RAB11B: variants seen among roughly 807,000 people sequenced by gnomAD.
RAB11B encodes the protein ras-related protein Rab-11B.
RAB11B carries 7 observed loss-of-function variants against 23.7 expected under a neutral mutation model. The observed-to-expected ratio is 0.29, with a 90% CI of 0.17 to 0.55. RAB11B has a LOEUF of 0.55. Among genes scored for constraint, RAB11B ranks in the 20% least tolerant of loss-of-function variants. RAB11B has a pLI of 0.93. For missense variants in RAB11B, 189 were observed against 320.0 expected, an observed-to-expected ratio of 0.59 and a Z score of 3.12; for synonymous variants, 138 against 132.0, an observed-to-expected ratio of 1.05 and a Z score of -0.31.
Position 8,403,398 on chromosome 19 carries a change from G to A in RAB11B, c.512-15G>A, listed in dbSNP as rs1217120675. ...GTGCTGGCTCACCCCACGTCCCCCT[G>A]TACCCCCTTTGCAGAGATCTACCGC... On this transcript the variant is annotated splice_polypyrimidine_tract_variant and intron_variant, in intron 4 of 4. Transcript: ENST00000328024. 6.2e-7 allele frequency: 1 copy of A among 1,605,672 alleles called. No homozygotes were observed. The highest frequency in any genetic ancestry group is 1.7e-5 in the Admixed American group (1 of 59,610).
intron 1 of RAB11B, among the ~76,000 whole-genome samples, chr19:8,391,753 G>T (rs532375999): frequency 6.1e-4 from 92 of 152,026 alleles, no homozygotes; most frequent in Non-Finnish European, 8.8e-5. Flanking sequence ...CTTGCACCAG[G>T]CCTAGCTGGG....
rs1185488253 is a variant in RAB11B, at chr19:8,404,074, C to T, written c.*516C>T. The stretch of plus-strand genomic sequence containing the variant: ...CACAGCAGCTCGCACAGGCCTCCCA[C>T]CTCTGCCTGTTGATTGATGCAGGGA... On this transcript the variant is annotated 3_prime_UTR_variant, in exon 5 of 5. Transcript: ENST00000328024. 2 of 153,616 alleles carry T rather than the reference C, an allele frequency of 1.3e-5. No homozygotes were observed. The highest frequency in any genetic ancestry group is 3.9e-4 in the East Asian group (2 of 5,180). 9.5% of individuals were successfully genotyped at this position (153,616 alleles called of 1,614,324 possible).
At chr19:8,393,261 G>A (rs2967614) in intron 1 of RAB11B, among the ~76,000 whole-genome samples, 90,565 of 152,000 alleles carry the variant, frequency 0.6, 27,424 homozygotes, top group Admixed American at 0.62. Flanking sequence ...TGATGGACTC[G>A]GTACTCCATG....
In RAB11B at chr19:8,403,734, G is replaced by A. The variant is rs1000392208; in HGVS notation, c.*176G>A. The A allele has an allele frequency of 3.3e-5, 30 of 907,068 alleles. No individual in the cohort carries two copies. The highest frequency in any genetic ancestry group is 2.7e-4 in the East Asian group (9 of 32,756). The allele number at this position is 907,068 out of a possible 1,614,324, so 56.2% of individuals were successfully genotyped here. A position where few individuals can be genotyped will look rare whatever the true frequency, so the allele number is the denominator to read the frequency against. ...GAGCCAGTGCTACCCCGTCCTGCCC[G>A]GGGAAAAGCTAGAAGCCCCGGTTTG... On this transcript the variant is annotated 3_prime_UTR_variant, in exon 5 of 5. Transcript: ENST00000328024.
intron 1 of RAB11B, among the ~76,000 whole-genome samples, chr19:8,398,430 G>A (rs1383623892): frequency 1.3e-5 from 2 of 152,186 alleles, no homozygotes; most frequent in Non-Finnish European, 1.5e-5. Context: ...GCCTTGTGAG[G>A]AGCTGTGCAC....
chr19:8,396,630 G>A lies in RAB11B; in HGVS notation c.41-3233G>A, dbSNP rs1244664224. ...GTTTCTGGCAGCAGGAGCAACCCGT[G>A]CAAAGGCCCTGAGGCAGGATCGCAC... On this transcript the variant is annotated intron_variant, in intron 1 of 4. Coordinates refer to ENST00000328024, the MANE Select transcript of RAB11B (RefSeq NM_004218.4). This position sits in a 1 kb window ranked among gnomAD's most constrained non-coding sequence, Gnocchi z 5.0. Among the ~76,000 whole-genome samples, 1 of 151,120 alleles carries A rather than the reference G, an allele frequency of 6.6e-6. No individual in the cohort carries two copies. The highest frequency in any genetic ancestry group is 1.5e-5 in the Non-Finnish European group (1 of 67,786).
rs12976739 is a variant in RAB11B at position 8,396,779 on chromosome 19, G to A, written c.41-3084G>A. Among the ~76,000 whole-genome samples the A allele has an allele frequency of 0.42, 61,185 of 146,442 alleles. 13,300 individuals are homozygous for A. Among genetic ancestry groups the A allele is most frequent in the African/African-American group, 0.47 (18,122 of 38,892 alleles). The stretch of plus-strand genomic sequence containing the variant: ...GGGAGGACTGTGGCTTTTCCCCTGC[G>A]GAAGGTGGGGGCCACGGAGGGTTGT... On this transcript the variant is annotated intron_variant, in intron 1 of 4. Transcript: ENST00000328024. This position sits in a 1 kb window ranked among gnomAD's most constrained non-coding sequence, Gnocchi z 5.0.
chr19:8,400,656 G>A lies in RAB11B; in HGVS notation c.236+598G>A, dbSNP rs375648854. 6.0e-5 allele frequency among the ~76,000 whole-genome samples: 9 copies of A among 149,774 alleles called. No homozygotes were observed. In the South Asian group the frequency reaches 1.1e-3, roughly 18 times the overall value. Reference sequence around the variant, plus strand: ...GGCTGGAGTGCGATGGCACGATCTCGGCTCACTGCAACCTCCGCCTCCTGG... The same window carrying A: ...GGCTGGAGTGCGATGGCACGATCTCAGCTCACTGCAACCTCCGCCTCCTGG... On this transcript the variant is annotated intron_variant, in intron 2 of 4. Transcript: ENST00000328024.
chr19:8,396,273 T>C lies in RAB11B; in HGVS notation c.41-3590T>C, dbSNP rs950938146. ...GGGTGGTGACCTGGCATCCTCTAGGTATGGGGCAGGCGGCATGCGTGGGAG... is the reference window on the plus strand; with the variant it reads ...GGGTGGTGACCTGGCATCCTCTAGGCATGGGGCAGGCGGCATGCGTGGGAG... On this transcript the variant is annotated intron_variant, in intron 1 of 4. Coordinates refer to ENST00000328024, the MANE Select transcript of RAB11B (RefSeq NM_004218.4). This position sits in a 1 kb window ranked among gnomAD's most constrained non-coding sequence, Gnocchi z 5.0. Among the ~76,000 whole-genome samples, 1 of 152,122 alleles carries C rather than the reference T, an allele frequency of 6.6e-6. No individual in the cohort carries two copies. The highest frequency in any genetic ancestry group is 1.5e-5 in the Non-Finnish European group (1 of 68,030).
rs1051318297 is a variant in RAB11B, at chr19:8,403,886, G to A, written c.*328G>A. 3 of 249,462 alleles carry A rather than the reference G, an allele frequency of 1.2e-5. No individual in the cohort carries two copies. Among genetic ancestry groups the A allele is most frequent in the Non-Finnish European group, 2.3e-5 (3 of 129,962 alleles). The allele number at this position is 249,462 out of a possible 1,614,324, so 15.5% of individuals were successfully genotyped here. On this transcript the variant is annotated 3_prime_UTR_variant, in exon 5 of 5. Coordinates refer to ENST00000328024, the MANE Select transcript of RAB11B (RefSeq NM_004218.4). Reference sequence around the variant, plus strand: ...CCGCCTTCTCCCCTTTTCCTTGGCCGACTCTAGGGAGCGATTGCCTCCCTC... The same window carrying A: ...CCGCCTTCTCCCCTTTTCCTTGGCCAACTCTAGGGAGCGATTGCCTCCCTC...
intron 1 of RAB11B, among the ~76,000 whole-genome samples, chr19:8,392,969 A>T (rs1445779467): frequency 1.4e-5 from 2 of 146,258 alleles, no homozygotes; most frequent in East Asian, 4.0e-4. Flanking sequence ...TACAGGCATG[A>T]GCCACCGTGC....
chr19:8,401,604 C>G (rs1971438009), intron 2 of RAB11B, among the ~76,000 whole-genome samples: 3 of 152,086 alleles, frequency 2.0e-5, no homozygotes, highest in African/African-American at 7.2e-5. Flanking sequence ...CCAGGCTGAT[C>G]TTGAATTCCT....
intron 1 of RAB11B, chr19:8,390,704 T>C (rs1971342090): frequency 2.6e-6 from 1 of 381,448 alleles, no homozygotes; most frequent in Non-Finnish European, 4.6e-6. Context: ...GGCCAGAGCC[T>C]AGAGGGGGTG....
At chr19:8,402,345 G>A in intron 3 of RAB11B, 66 bp downstream of exon 3, 2 of 1,528,164 alleles carry the variant, frequency 1.3e-6, no homozygotes, top group Non-Finnish European at 1.8e-6. Flanking sequence ...CACAGTGTTG[G>A]GGCCCTGGCC....
chr19:8,399,849 G>T lies in RAB11B; in HGVS notation c.41-14G>T. On this transcript the variant is annotated splice_polypyrimidine_tract_variant and intron_variant, in intron 1 of 4. Coordinates refer to ENST00000328024, the MANE Select transcript of RAB11B (RefSeq NM_004218.4). ...GGAGTGTGGGGATTCACAGAACCTC[G>T]CCTTCCCGCCCAGTGGTGCTCATCG... 6.2e-7 allele frequency: 1 copy of T among 1,608,344 alleles called. No individual in the cohort carries two copies.
chr19:8,399,021 C>T (rs1235654182), intron 1 of RAB11B, among the ~76,000 whole-genome samples: 3 of 151,536 alleles, frequency 2.0e-5, no homozygotes, highest in Admixed American at 6.6e-5. Flanking sequence ...GGCGTGATCT[C>T]GGCTCACTGC....
chr19:8,404,078 T>C lies in RAB11B; in HGVS notation c.*520T>C, dbSNP rs1478262151. On this transcript the variant is annotated 3_prime_UTR_variant, in exon 5 of 5. Transcript: ENST00000328024. ...GCAGCTCGCACAGGCCTCCCACCTC[T>C]GCCTGTTGATTGATGCAGGGAGAAG... is the stretch of plus-strand genomic sequence containing the variant. 6.5e-6 allele frequency: 1 copy of C among 153,244 alleles called. No homozygotes were observed. Among genetic ancestry groups the C allele is most frequent in the East Asian group, 1.9e-4 (1 of 5,162 alleles). The allele number at this position is 153,244 out of a possible 1,614,324, so 9.5% of individuals were successfully genotyped here.
chr19:8,397,061 C>A (rs1053858230), intron 1 of RAB11B, among the ~76,000 whole-genome samples: 1 of 152,124 alleles, frequency 6.6e-6, no homozygotes, highest in African/African-American at 2.4e-5. Context: ...AGGAAGGAGT[C>A]GAGAATGACT....
At chr19:8,403,317 C>G (rs1971452685) in intron 4 of RAB11B, 96 bp from the exon 5 acceptor site, 8 of 1,477,208 alleles carry the variant, frequency 5.4e-6, no homozygotes, top group Non-Finnish European at 6.5e-6. Context: ...CTGTGGGGGT[C>G]TGGAGAGGGC....
Sources: gnomAD v4.1 joint callset for allele counts (sites outside exome capture counted in the v4.1 genomes callset) on GRCh38, gnomAD v4.1.1 for gene constraint, Gnocchi (gnomAD v3.1) non-coding constraint, MANE v1.5 for transcripts, NCBI Gene and HGNC (gene_info 2026-07-23, HGNC 2026-07-21) for gene names.